The following OSBPL10 variants were observed in gnomAD, a reference collection of about 807,000 sequenced individuals.
OSBPL10 encodes the protein oxysterol-binding protein-related protein 10.
OSBPL10 carries 49 observed loss-of-function variants against 81.7 expected under a neutral mutation model. The ratio of observed to expected loss-of-function variants is 0.60; its 90% CI spans 0.48 to 0.76. The LOEUF is 0.76. Ranked by LOEUF, OSBPL10 falls within the 30% of genes least tolerant of loss-of-function variation. The probability of loss-of-function intolerance (pLI) is 0.00; values close to 1 mark genes in which losing one functional copy is unlikely to be tolerated. For missense variants in OSBPL10, 923 were observed against 987.8 expected, an observed-to-expected ratio of 0.93 and a Z score of 0.88; for synonymous variants, 419 against 383.6, an observed-to-expected ratio of 1.09 and a Z score of -1.08.
At chr3:31,733,811 C>T (rs986084907) in intron 5 of OSBPL10, among the ~76,000 whole-genome samples, 1 of 148,850 alleles carries the variant, frequency 6.7e-6, no homozygotes, top group Non-Finnish European at 1.5e-5. Flanking sequence ...CAGATCGAGA[C>T]CATCCTGGCT....
At chr3:32,015,000 C>T (rs968265771) in intron 2 of OSBPL10, among the ~76,000 whole-genome samples, 9 of 152,128 alleles carry the variant, frequency 5.9e-5, no homozygotes, top group African/African-American at 1.7e-4. Context: ...GAATCAATAT[C>T]GTGAAAATGG....
At chr3:31,774,177 AAAG>A (rs1248024319) in intron 4 of OSBPL10, among the ~76,000 whole-genome samples, 73 of 146,996 alleles carry the variant, frequency 5.0e-4, no homozygotes, top group Middle Eastern at 3.4e-3. Context: ...AAAAAAAAAA[AAAG>A]AAAGACAGAC....
chr3:31,717,524 C>T (rs540348394), intron 6 of OSBPL10, among the ~76,000 whole-genome samples: 1 of 152,256 alleles, frequency 6.6e-6, no homozygotes, highest in South Asian at 2.1e-4. Context: ...AAACCAAGAG[C>T]GAAACTACCA....
chr3:31,688,261 C>T (rs978708478), intron 7 of OSBPL10, among the ~76,000 whole-genome samples: 1 of 140,620 alleles, frequency 7.1e-6, no homozygotes, highest in Non-Finnish European at 1.5e-5. Context: ...TCCCTCCCTG[C>T]ACAAATCTCT....
At position 31,731,020 on chromosome 3, in the gene OSBPL10, T is replaced by C. The variant is rs17385210; in HGVS notation, c.1095+2237A>G. ...AATTTCACTTCATTCTATATAGAAG[T>C]TATTCCTCCACAATGTACAGAAAGG... is the stretch of plus-strand genomic sequence containing the variant. On this transcript the variant is annotated intron_variant, in intron 6 of 11. Transcript: ENST00000396556. Among the ~76,000 whole-genome samples the C allele has an allele frequency of 5.3e-3, 804 of 152,350 alleles. 6 individuals are homozygous for C. Among genetic ancestry groups the C allele is most frequent in the Non-Finnish European group, 8.1e-3 (550 of 68,028 alleles).
In OSBPL10 at chr3:31,980,980, C is replaced by A; in HGVS notation, c.200G>T (p.Gly67Val). The A allele has an allele frequency of 6.4e-7, 1 of 1,558,256 alleles. No individual in the cohort carries two copies. Among genetic ancestry groups the A allele is most frequent in the East Asian group, 2.6e-5 (1 of 38,864 alleles). ...SPGSVAASPS[G>V]GGGRRREPAL... Reference sequence around the variant, plus strand: ...CGGCTCCCTCCTGCGGCCGCCTCCCCCGGACGGGCTAGCGGCCACAGAGCC... The same window carrying A: ...CGGCTCCCTCCTGCGGCCGCCTCCCACGGACGGGCTAGCGGCCACAGAGCC... The change falls in exon 1 of 12, where the codon GGG (glycine) becomes GTG (valine). Residue 67 changes from glycine to valine, a missense_variant. Gly to Val is a moderately radical substitution (Grantham distance 109, BLOSUM62 -3). Around this residue, in one of 3 missense-constraint regions of OSBPL10, gnomAD observed 514 missense variants for 508.0 expected, o/e 1.01. Transcript: ENST00000396556.
In OSBPL10 at chr3:32,062,166, G is replaced by A. The variant is rs1699756352; in HGVS notation, n.185+15230C>T. On this transcript the variant is annotated intron_variant and non_coding_transcript_variant, in intron 1 of 3. Coordinates refer to the OSBPL10 transcript ENST00000479173. ...TCTATGGCCCAGGCTGGAATGCAGT[G>A]GCACAATCTCGGCTCACTGCAACCT... is the stretch of plus-strand genomic sequence containing the variant. Among the ~76,000 whole-genome samples, 2 of 92,648 alleles carry A rather than the reference G, an allele frequency of 2.2e-5. 1 individual carries two copies. Among genetic ancestry groups the A allele is most frequent in the Non-Finnish European group, 5.8e-5 (2 of 34,644 alleles). The allele number at this position is 92,648 out of a possible 152,430, so 60.8% of individuals were successfully genotyped here.
chr3:31,920,891 G>C (rs1696893646), intron 1 of OSBPL10, among the ~76,000 whole-genome samples: 1 of 152,150 alleles, frequency 6.6e-6, no homozygotes, highest in Non-Finnish European at 1.5e-5. Context: ...ATGATTGGAA[G>C]CTTCCTGAAG....
chr3:32,027,935 G>A (rs1230705834), intron 2 of OSBPL10, among the ~76,000 whole-genome samples: 1 of 152,218 alleles, frequency 6.6e-6, no homozygotes, highest in African/African-American at 2.4e-5. Context: ...GAGGAATGGA[G>A]AGACTGGAAC....
chr3:31,713,212 C>T (rs1027661147), intron 6 of OSBPL10, among the ~76,000 whole-genome samples: 1 of 152,092 alleles, frequency 6.6e-6, no homozygotes, highest in Non-Finnish European at 1.5e-5. Flanking sequence ...GCCCCCACGA[C>T]TTCTCTACTC....
Position 31,854,197 on chromosome 3 carries a change from G to C in OSBPL10, c.537+22236C>G, listed in dbSNP as rs186544322. ...CAAAGATAGCATACAGAATGGTCTA[G>C]AGAGATTGCCTAACTGTAAAGGCCA... On this transcript the variant is annotated intron_variant, in intron 3 of 11. Coordinates refer to ENST00000396556, the MANE Select transcript of OSBPL10 (RefSeq NM_017784.5). 3.7e-4 allele frequency among the ~76,000 whole-genome samples: 55 copies of C among 150,436 alleles called. No homozygotes were observed. In the East Asian group the frequency reaches 8.9e-3, roughly 24 times the overall value.
intron 11 of OSBPL10, chr3:31,663,702 A>C: frequency 8.9e-7 from 1 of 1,119,754 alleles, no homozygotes; most frequent in African/African-American, 1.6e-5. Context: ...CCTGTGAGGC[A>C]CTCCTCAACT....
intron 3 of OSBPL10, among the ~76,000 whole-genome samples, chr3:31,876,211 C>T (rs146145883): frequency 1.3e-5 from 2 of 152,148 alleles, no homozygotes; most frequent in Non-Finnish European, 2.9e-5. Flanking sequence ...TTTCCAGATT[C>T]GGTTCCCATA....
rs116718357 is a variant in OSBPL10 at position 31,844,714 on chromosome 3, A to G, written c.538-14483T>C. ...TGGTAGCAAAAATTGTTTTGGAACT[A>G]CATAGAAGTGGTGGCTATACAACAT... On this transcript the variant is annotated intron_variant, in intron 3 of 11. Coordinates refer to ENST00000396556, the MANE Select transcript of OSBPL10 (RefSeq NM_017784.5). Among the ~76,000 whole-genome samples the G allele has an allele frequency of 7.5e-3, 1,138 of 152,352 alleles. 13 individuals are homozygous for G. The highest frequency in any genetic ancestry group is 0.025 in the African/African-American group (1,031 of 41,584).
At chr3:31,667,548 T>TA (rs1265237015) in intron 10 of OSBPL10, among the ~76,000 whole-genome samples, 1 of 152,268 alleles carries the variant, frequency 6.6e-6, no homozygotes, top group Non-Finnish European at 1.5e-5. Flanking sequence ...CTTGTAGTAA[T>TA]AGTAAAGCTT....
At chr3:31,989,791 G>A (rs760492361) in intron 2 of OSBPL10, 1 of 1,614,166 alleles carries the variant, frequency 6.2e-7, no homozygotes, top group East Asian at 2.2e-5. Flanking sequence ...GAGTGGCAAA[G>A]CCTTTAATTG....
At chr3:31,667,551 T>A (rs1014610262) in intron 10 of OSBPL10, among the ~76,000 whole-genome samples, 3 of 152,392 alleles carry the variant, frequency 2.0e-5, no homozygotes, top group Admixed American at 2.0e-4. Flanking sequence ...GTAGTAATAG[T>A]AAAGCTTTCA....
intron 1 of OSBPL10, among the ~76,000 whole-genome samples, chr3:31,958,918 CCT>C (rs1698083014): frequency 1.3e-5 from 2 of 152,148 alleles, no homozygotes; most frequent in African/African-American, 2.4e-5. Flanking sequence ...CTTTCTAACC[CCT>C]GTACTAAACC....
At chr3:31,993,178 T>C (rs1470095885) in intron 2 of OSBPL10, among the ~76,000 whole-genome samples, 148 of 115,156 alleles carry the variant, frequency 1.3e-3, no homozygotes, top group Middle Eastern at 4.2e-3. Flanking sequence ...TTTTATTTTA[T>C]TTTATTTTAT....
Sources: gnomAD v4.1 joint callset for allele counts (sites outside exome capture counted in the v4.1 genomes callset) on GRCh38, gnomAD v4.1.1 for gene constraint, gnomAD v4.1.1 regional missense constraint, MANE v1.5 for transcripts, NCBI Gene and HGNC (gene_info 2026-07-23, HGNC 2026-07-21) for gene names.